Variants in RYR3 observed in about 807,000 individuals in gnomAD.
RYR3 encodes brain ryanodine receptor-calcium release channel.
A neutral mutation model predicts 584.3 loss-of-function variants in RYR3; 207 were observed. That is an observed-to-expected ratio of 0.35 (90% CI 0.32 to 0.40). RYR3 has a LOEUF of 0.40. RYR3 is among the 10% of genes least tolerant of loss of function. RYR3 has a pLI of 1.00. For missense variants in RYR3, 5,616 were observed against 6,089.2 expected, an observed-to-expected ratio of 0.92 and a Z score of 2.59; for synonymous variants, 2,416 against 2,248.5, an observed-to-expected ratio of 1.07 and a Z score of -2.11.
At chr15:33,668,210 G>A (rs867534203) in intron 36 of RYR3, among the ~76,000 whole-genome samples, 6 of 151,506 alleles carry the variant, frequency 4.0e-5, no homozygotes, top group Non-Finnish European at 5.9e-5. Flanking sequence ...CCAGCTACTC[G>A]GGAGGCTGAG....
intron 54 of RYR3, 80 bp downstream of exon 54, chr15:33,748,340 T>C: frequency 6.4e-7 from 1 of 1,558,150 alleles, no homozygotes; most frequent in Non-Finnish European, 8.8e-7. Context: ...TGGGGCATCG[T>C]AGGTGGGACC....
At chr15:33,514,514 G>A (rs1158104257) in intron 3 of RYR3, among the ~76,000 whole-genome samples, 2 of 152,062 alleles carry the variant, frequency 1.3e-5, no homozygotes, top group Non-Finnish European at 2.9e-5. Flanking sequence ...CTCTCTGGGT[G>A]GGGCCAGAGG....
At chr15:33,565,218 A>G (rs2057644470) in intron 11 of RYR3, among the ~76,000 whole-genome samples, 1 of 152,188 alleles carries the variant, frequency 6.6e-6, no homozygotes, top group Admixed American at 6.5e-5. Flanking sequence ...AAAACCTAAG[A>G]ATTTCGGTCT....
At chr15:33,822,756 T>G (rs189528954) in intron 80 of RYR3, among the ~76,000 whole-genome samples, 1 of 152,252 alleles carries the variant, frequency 6.6e-6, no homozygotes, top group Non-Finnish European at 1.5e-5. Flanking sequence ...TATCACGGCC[T>G]TGGTGCTTGT....
intron 1 of RYR3, among the ~76,000 whole-genome samples, chr15:33,419,327 G>A (rs993914651): frequency 6.6e-6 from 1 of 152,110 alleles, no homozygotes; most frequent in African/African-American, 2.4e-5. Flanking sequence ...CATTTTAGAG[G>A]TGTCAGTCCA....
intron 19 of RYR3, among the ~76,000 whole-genome samples, chr15:33,618,163 T>C (rs1009369184): frequency 2.6e-5 from 4 of 152,170 alleles, no homozygotes; most frequent in African/African-American, 9.7e-5. Flanking sequence ...GGTGCTAATT[T>C]TTTTTTGCAG....
At chr15:33,775,099 C>T (rs2152893326) in intron 64 of RYR3, among the ~76,000 whole-genome samples, 1 of 151,718 alleles carries the variant, frequency 6.6e-6, no homozygotes, top group Non-Finnish European at 1.5e-5. Context: ...CTTCATGTGA[C>T]TTTCTATCCT....
intron 102 of RYR3, among the ~76,000 whole-genome samples, chr15:33,861,388 C>A (rs1405913741): frequency 3.3e-5 from 5 of 149,422 alleles, no homozygotes; most frequent in Non-Finnish European, 1.5e-5. Context: ...AAAAGGCCAG[C>A]CCCTCAACCT....
chr15:33,804,555 A>C (rs1306806256), intron 69 of RYR3, among the ~76,000 whole-genome samples: 1 of 152,248 alleles, frequency 6.6e-6, no homozygotes, highest in South Asian at 2.1e-4. Context: ...GTTTAAGGTC[A>C]GTTTCAACAG....
intron 1 of RYR3, among the ~76,000 whole-genome samples, chr15:33,435,762 G>A (rs993006710): frequency 4.6e-5 from 7 of 152,054 alleles, no homozygotes; most frequent in African/African-American, 1.7e-4. Context: ...GCAGACCCTC[G>A]CAGTGTTACA....
chr15:33,863,205 T>C (rs116954048), intron 102 of RYR3, among the ~76,000 whole-genome samples: 4,933 of 152,230 alleles, frequency 0.032, 158 homozygotes, highest in Non-Finnish European at 0.039. Flanking sequence ...GCCTCCCACC[T>C]AAAATGGTGC....
intron 1 of RYR3, among the ~76,000 whole-genome samples, chr15:33,453,399 G>A (rs2047292175): frequency 6.6e-6 from 1 of 152,032 alleles, no homozygotes; most frequent in African/African-American, 2.4e-5. Context: ...AACAATCTCT[G>A]CATAATATTC....
At chr15:33,534,850 T>A (rs2055192817) in intron 5 of RYR3, among the ~76,000 whole-genome samples, 1 of 152,154 alleles carries the variant, frequency 6.6e-6, no homozygotes, top group East Asian at 1.9e-4. Flanking sequence ...TCATGAACAA[T>A]CTGACCATCC....
intron 38 of RYR3, among the ~76,000 whole-genome samples, chr15:33,688,576 A>AC (rs2065183743): frequency 6.6e-6 from 1 of 151,496 alleles, no homozygotes; most frequent in Admixed American, 6.6e-5. Flanking sequence ...CCATCTCAAA[A>AC]AAAAAAAAAA....
At chr15:33,712,417 G>T (rs1248560622) in intron 43 of RYR3, among the ~76,000 whole-genome samples, 1 of 152,158 alleles carries the variant, frequency 6.6e-6, no homozygotes, top group African/African-American at 2.4e-5. Flanking sequence ...ATTTTTGAGG[G>T]TAGAGAGAAA....
intron 2 of RYR3, among the ~76,000 whole-genome samples, chr15:33,488,616 G>A (rs1303208214): frequency 6.6e-6 from 1 of 152,166 alleles, no homozygotes; most frequent in Non-Finnish European, 1.5e-5. Context: ...CACTTGGGAG[G>A]ACAAGGCGGG....
chr15:33,546,429 G>A (rs189722533), intron 8 of RYR3, among the ~76,000 whole-genome samples: 24 of 152,202 alleles, frequency 1.6e-4, no homozygotes, highest in East Asian at 1.2e-3. Flanking sequence ...CTAAAGCAAC[G>A]TCAGATTTTC....
intron 12 of RYR3, among the ~76,000 whole-genome samples, chr15:33,574,331 A>G (rs1204327949): frequency 6.6e-6 from 1 of 152,212 alleles, no homozygotes. Context: ...AACTGGACCA[A>G]AATATTGAGG....
intron 86 of RYR3, among the ~76,000 whole-genome samples, chr15:33,832,627 A>G (rs12901413): frequency 0.27 from 40,805 of 148,926 alleles, 5,926 homozygotes; most frequent in Middle Eastern, 0.46. Flanking sequence ...ATTGCACTAC[A>G]GCATGGGTGA....
Sources: allele counts gnomAD v4.1 joint callset (sites outside exome capture counted in the v4.1 genomes callset), GRCh38; gene constraint gnomAD v4.1.1; transcripts MANE v1.5; gene names NCBI Gene and HGNC (gene_info 2026-07-23, HGNC 2026-07-21).